The following SLC29A1 variants were observed in gnomAD, a reference collection of about 807,000 sequenced individuals.
The protein encoded by SLC29A1 is equilibrative nucleoside transporter 1.
Under a neutral mutation model 48.3 loss-of-function variants are expected in SLC29A1, and 22 were observed. The ratio of observed to expected loss-of-function variants is 0.46; its 90% CI spans 0.33 to 0.65. The LOEUF (loss-of-function observed/expected upper bound fraction) is 0.65. Among genes scored for constraint, SLC29A1 ranks in the 30% least tolerant of loss-of-function variants. The probability of loss-of-function intolerance (pLI) is 0.03; values close to 1 mark genes in which losing one functional copy is unlikely to be tolerated. For synonymous variants in SLC29A1, 228 were observed against 231.0 expected (o/e 0.99, Z 0.12); for missense variants, 491 against 575.3 (o/e 0.85, Z 1.50).
rs370990702 is a variant in SLC29A1 at position 44,229,919 on chromosome 6, C to T, written c.327C>T (p.Ser109=). The T allele has an allele frequency of 2.1e-5, 34 of 1,613,268 alleles. No homozygotes were observed. Among genetic ancestry groups the T allele is most frequent in the African/African-American group, 2.7e-5 (2 of 74,918 alleles). Residue 109 remains serine (S), a synonymous_variant, in exon 5 of 13, where the codon TCC becomes TCT. Transcript: ENST00000371755. The surrounding 1 kb of genome is among the most constrained non-coding windows in gnomAD (Gnocchi z 5.1). Reference sequence around the variant, plus strand: ...CCTCTCCCGGCAGGATCCCCCAGTCCGTACGGATCCTGGGCAGCCTGGTGG... The same window carrying T: ...CCTCTCCCGGCAGGATCCCCCAGTCTGTACGGATCCTGGGCAGCCTGGTGG... The part of the protein sequence containing the change: ...NSFLHQRIPQ[S]VRILGSLVAI...
At chr6:44,225,326 T>C (rs1777258321) in intron 1 of SLC29A1, among the ~76,000 whole-genome samples, 1 of 151,926 alleles carries the variant, frequency 6.6e-6, no homozygotes, top group African/African-American at 2.4e-5. Context: ...GTCAACATGG[T>C]GAAACCCTGT....
intron 1 of SLC29A1, among the ~76,000 whole-genome samples, chr6:44,224,161 G>A (rs1262616051): frequency 2.0e-5 from 3 of 152,220 alleles, no homozygotes; most frequent in South Asian, 4.1e-4. Context: ...TTACTGTGAG[G>A]GTATATGAGA....
chr6:44,227,117 C>A (rs930475582), intron 1 of SLC29A1, 146 bp from the exon 2 acceptor site: 3 of 1,396,854 alleles, frequency 2.1e-6, no homozygotes, highest in South Asian at 1.5e-5. Context: ...CAAGTTGAGT[C>A]GTCCTGAGGG....
chr6:44,230,276 G>C (rs1195473429), intron 5 of SLC29A1, 71 bp from the exon 6 acceptor site: 3 of 1,570,050 alleles, frequency 1.9e-6, no homozygotes, highest in Non-Finnish European at 2.6e-6. Context: ...GGAATGACAG[G>C]GATCTGTCTT....
upstream of SLC29A1, chr6:44,221,820 C>A: frequency 7.9e-6 from 3 of 378,380 alleles, no homozygotes; most frequent in Non-Finnish European, 1.5e-5. This position sits in a 1 kb window ranked among gnomAD's most constrained non-coding sequence, Gnocchi z 4.2. Flanking sequence ...TTCTCTCCAA[C>A]AATAACAGCC....
upstream of SLC29A1, among the ~76,000 whole-genome samples, chr6:44,221,859 G>C (rs137966946): frequency 5.2e-4 from 79 of 152,356 alleles, 1 homozygote; most frequent in East Asian, 0.013. The surrounding 1 kb of genome is among the most constrained non-coding windows in gnomAD (Gnocchi z 4.2). Context: ...CGAGCTGGCA[G>C]GGCCCCAGTT....
In SLC29A1 at chr6:44,227,350, G is replaced by C. The variant is rs749270480; in HGVS notation, c.29+8G>C. On this transcript the variant is annotated splice_region_variant and intron_variant, in intron 2 of 12. Coordinates refer to ENST00000371755, the MANE Select transcript of SLC29A1 (RefSeq NM_001372327.1). ...TCACCAGCCTCAGGACAGGTAAGGG[G>C]TAAGGGGCTGGGCTGTGGATCCAGG... is the stretch of plus-strand genomic sequence containing the variant. 26 of 1,612,068 alleles carry C rather than the reference G, an allele frequency of 1.6e-5. No individual in the cohort carries two copies. The highest frequency in any genetic ancestry group is 2.0e-5 in the Non-Finnish European group (23 of 1,178,244).
rs1022005087 is a variant in SLC29A1, at chr6:44,233,616, C to T, written c.*88C>T. ...CCAGGGGTGATCCTGAGTGGTCTGG[C>T]GGTTTTTTCTTCTAACTGACTTCTG... On this transcript the variant is annotated 3_prime_UTR_variant, in exon 13 of 13. Coordinates refer to ENST00000371755, the MANE Select transcript of SLC29A1 (RefSeq NM_001372327.1). The T allele has an allele frequency of 2.9e-5, 32 of 1,099,984 alleles. No individual in the cohort carries two copies. The highest frequency in any genetic ancestry group is 6.5e-5 in the South Asian group (5 of 77,316). The allele number at this position is 1,099,984 out of a possible 1,614,324, so 68.1% of individuals were successfully genotyped here.
intron 2 of SLC29A1, among the ~76,000 whole-genome samples, chr6:44,227,687 G>A (rs1777889543): frequency 6.6e-6 from 1 of 152,228 alleles, no homozygotes; most frequent in Non-Finnish European, 1.5e-5. Flanking sequence ...AACTGCCCTG[G>A]GGCCTCTGCC....
chr6:44,226,827 C>T lies in SLC29A1; in HGVS notation c.-51-436C>T, dbSNP rs528686866. 9.2e-5 allele frequency: 94 copies of T among 1,018,926 alleles called. No homozygotes were observed. In the African/African-American group the frequency reaches 1.5e-3, roughly 16 times the overall value. The allele number at this position is 1,018,926 out of a possible 1,614,324, so 63.1% of individuals were successfully genotyped here. A position where few individuals can be genotyped will look rare whatever the true frequency, so the allele number is the denominator to read the frequency against. On this transcript the variant is annotated intron_variant, in intron 1 of 12. Coordinates refer to ENST00000371755, the MANE Select transcript of SLC29A1 (RefSeq NM_001372327.1). ...TCCTCCTCCTCCCCCGACCTCTTTG[C>T]TGTGTCTCCTCCATTTGTCTCCCTC... is the stretch of plus-strand genomic sequence containing the variant.
In SLC29A1 at chr6:44,229,843, C is replaced by T. The variant is rs1778427388; in HGVS notation, c.314+52C>T. 4 of 1,607,546 alleles carry T rather than the reference C, an allele frequency of 2.5e-6. No individual in the cohort carries two copies. Among genetic ancestry groups the T allele is most frequent in the Non-Finnish European group, 2.6e-6 (3 of 1,176,098 alleles). ...CCAGCCTGACCCTCACTGTGTCCTGCACCCCCTTGGCTGAGCCCCAGCTTT... is the reference window on the plus strand; with the variant it reads ...CCAGCCTGACCCTCACTGTGTCCTGTACCCCCTTGGCTGAGCCCCAGCTTT... On this transcript the variant is annotated intron_variant, in intron 4 of 12. Transcript: ENST00000371755. The surrounding 1 kb of genome is among the most constrained non-coding windows in gnomAD (Gnocchi z 5.1).
chr6:44,233,274 T>G (rs938891044), intron 12 of SLC29A1, 143 bp from the exon 13 acceptor site: 24 of 789,968 alleles, frequency 3.0e-5, no homozygotes, highest in Non-Finnish European at 5.2e-5. Flanking sequence ...GAAGCCAGGT[T>G]GGGGTTAGGC....
chr6:44,223,551 C>G, upstream of SLC29A1: 1 of 1,188,126 alleles, frequency 8.4e-7, no homozygotes, highest in South Asian at 1.5e-5. This position sits in a 1 kb window ranked among gnomAD's most constrained non-coding sequence, Gnocchi z 5.0. Context: ...GCGAGCTCAG[C>G]GGAGGGCGGG....
chr6:44,228,449 C>T (rs1778069450), intron 2 of SLC29A1, among the ~76,000 whole-genome samples: 1 of 152,228 alleles, frequency 6.6e-6, no homozygotes, highest in Admixed American at 6.5e-5. Context: ...CTCGGACCTG[C>T]TCACGTGGTG....
upstream of SLC29A1, among the ~76,000 whole-genome samples, chr6:44,221,059 T>C (rs1477540808): frequency 6.6e-6 from 1 of 152,048 alleles, no homozygotes; most frequent in Non-Finnish European, 1.5e-5. This position sits in a 1 kb window ranked among gnomAD's most constrained non-coding sequence, Gnocchi z 4.2. Flanking sequence ...TATTTTAATT[T>C]TTTTTGTAGA....
At chr6:44,225,089 C>T (rs1240034933) in intron 1 of SLC29A1, among the ~76,000 whole-genome samples, 2 of 152,088 alleles carry the variant, frequency 1.3e-5, no homozygotes, top group Non-Finnish European at 2.9e-5. Flanking sequence ...CACCCTAGGC[C>T]CCCATCTGCT....
At chr6:44,227,558 C>G (rs924630224) in intron 2 of SLC29A1, among the ~76,000 whole-genome samples, 3 of 152,216 alleles carry the variant, frequency 2.0e-5, no homozygotes, top group Non-Finnish European at 2.9e-5. Context: ...AGCAGTCCTT[C>G]CCTGGCCTGT....
chr6:44,229,268 C>T lies in SLC29A1; in HGVS notation c.30-122C>T. ...GAGGACACATGCAAACGGACACAAA[C>T]ACAGACGCCCTGTGCCCTGGGACCT... is the stretch of plus-strand genomic sequence containing the variant. On this transcript the variant is annotated intron_variant, in intron 2 of 12. Coordinates refer to ENST00000371755, the MANE Select transcript of SLC29A1 (RefSeq NM_001372327.1). The surrounding 1 kb of genome is among the most constrained non-coding windows in gnomAD (Gnocchi z 5.1). 1.3e-6 allele frequency: 1 copy of T among 789,972 alleles called. No individual in the cohort carries two copies. Among genetic ancestry groups the T allele is most frequent in the Non-Finnish European group, 2.3e-6 (1 of 441,890 alleles). The allele number at this position is 789,972 out of a possible 1,614,324, so 48.9% of individuals were successfully genotyped here. A position where few individuals can be genotyped will look rare whatever the true frequency, so the allele number is the denominator to read the frequency against.
Position 44,232,037 on chromosome 6 carries a change from A to G in SLC29A1, c.904A>G (p.Ile302Val). 6.2e-7 allele frequency: 1 copy of G among 1,613,928 alleles called. No homozygotes were observed. The highest frequency in any genetic ancestry group is 1.6e-4 in the Middle Eastern group (1 of 6,062). Reference protein sequence around the residue: ...LAFSVCFIFTITIGMFPAVTV... With the variant: ...LAFSVCFIFTVTIGMFPAVTV... The stretch of plus-strand genomic sequence containing the variant: ...TTTCTCTGTCTGCTTCATCTTCACT[A>G]TCACCATTGGGATGTTTCCAGCCGT... The change falls in exon 10 of 13, where the codon ATC becomes GTC. Residue 302 changes from isoleucine to valine, a missense_variant. Ile to Val is a conservative substitution (Grantham distance 29). Transcript: ENST00000371755. This position sits in a 1 kb window ranked among gnomAD's most constrained non-coding sequence, Gnocchi z 4.7.
Sources: allele counts gnomAD v4.1 joint callset (sites outside exome capture counted in the v4.1 genomes callset), GRCh38; gene constraint gnomAD v4.1.1; non-coding constraint Gnocchi (gnomAD v3.1); transcripts MANE v1.5; gene names NCBI Gene and HGNC (gene_info 2026-07-23, HGNC 2026-07-21).